Variants in RIMBP2 observed in about 807,000 individuals in gnomAD.
RIMBP2 encodes RIMS-binding protein 2.
RIMBP2 carries 48 observed loss-of-function variants against 118.6 expected under a neutral mutation model. The observed-to-expected ratio is 0.40, with a 90% CI of 0.32 to 0.51. RIMBP2 has a LOEUF of 0.51. RIMBP2 is among the 20% of genes least tolerant of loss of function. The pLI is 0.41. For synonymous variants in RIMBP2, 762 were observed against 742.9 expected, an observed-to-expected ratio of 1.03 and a Z score of -0.42; for missense variants, 1,551 against 1,768.3, an observed-to-expected ratio of 0.88 and a Z score of 2.20.
intron 4 of RIMBP2, among the ~76,000 whole-genome samples, chr12:130,500,102 C>G (rs1265679170): frequency 6.6e-6 from 1 of 152,212 alleles, no homozygotes; most frequent in Non-Finnish European, 1.5e-5. Flanking sequence ...TGGACATACT[C>G]TTCTGACTCT....
intron 21 of RIMBP2, among the ~76,000 whole-genome samples, chr12:130,404,525 C>T (rs531371989): frequency 2.4e-4 from 36 of 152,280 alleles, no homozygotes; most frequent in African/African-American, 8.2e-4. Context: ...ATATCGAATG[C>T]CTGACCTCAG....
Position 130,523,611 on chromosome 12 carries a change from C to G in RIMBP2, c.-216-5694G>C, listed in dbSNP as rs1254046458. ...GGTGGCCGCTTCTCTGGGGGAGAAA[C>G]TGACAAGAGAAAGGAAAAAGCACGT... On this transcript the variant is annotated intron_variant, in intron 2 of 22. Coordinates refer to ENST00000690449, the MANE Select transcript of RIMBP2 (RefSeq NM_001393629.1). This position sits in a 1 kb window ranked among gnomAD's most constrained non-coding sequence, Gnocchi z 4.4. Among the ~76,000 whole-genome samples, 1 of 152,222 alleles carries G rather than the reference C, an allele frequency of 6.6e-6. No individual in the cohort carries two copies.
At chr12:130,673,574 C>T (rs2064298587) in intron 1 of RIMBP2, among the ~76,000 whole-genome samples, 2 of 152,088 alleles carry the variant, frequency 1.3e-5, no homozygotes, top group Non-Finnish European at 2.9e-5. Context: ...ACTTGTGGGT[C>T]AAGGCCTGCC....
Position 130,713,203 on chromosome 12 carries a change from AAGGAAGAT to A in RIMBP2, c.-352+3011_-352+3018del, listed in dbSNP as rs1304129220. Among the ~76,000 whole-genome samples the A allele has an allele frequency of 2.6e-4, 37 of 144,852 alleles. 3 individuals carry two copies. The highest frequency in any genetic ancestry group is 4.9e-4 in the Admixed American group (7 of 14,388). On this transcript the variant is annotated intron_variant, in intron 1 of 22. Transcript: ENST00000690449. Reference sequence around the variant, plus strand: ...GAAGGAAGGAAAGAAGGAAGGAAGGAAGGAAGATAGGAAGGAAGGAAGGAAGGAAGGAA... The same window carrying A: ...GAAGGAAGGAAAGAAGGAAGGAAGGAAGGAAGGAAGGAAGGAAGGAAGGAA...
Position 130,397,752 on chromosome 12 carries a change from T to C in RIMBP2, c.3901-203A>G, listed in dbSNP as rs879098581. On this transcript the variant is annotated intron_variant, in intron 22 of 22. Transcript: ENST00000690449. ...AGGCCCCAGACATAAATGTGTGGGT[T>C]CCGTTTCTCTGTCTCGAGGGAGTGC... 1.6e-5 allele frequency: 6 copies of C among 372,432 alleles called. No homozygotes were observed. The Admixed American group carries it at 1.8e-4, about 11-fold the overall frequency. 23.1% of individuals were successfully genotyped at this position (372,432 alleles called of 1,614,324 possible). A position where few individuals can be genotyped will look rare whatever the true frequency, so the allele number is the denominator to read the frequency against.
At chr12:130,584,223 CCATCACTTCACCACCACCAT>C (rs1566308562) in intron 2 of RIMBP2, among the ~76,000 whole-genome samples, 1 of 43,456 alleles carries the variant, frequency 2.3e-5, no homozygotes, top group Non-Finnish European at 6.5e-5. Flanking sequence ...CTCACCACCA[CCATCACTTCACCACCACCAT>C]CACCATCACC....
chr12:130,713,031 G>A (rs1322461083), intron 1 of RIMBP2, among the ~76,000 whole-genome samples: 1 of 151,536 alleles, frequency 6.6e-6, no homozygotes, highest in Non-Finnish European at 1.5e-5. Flanking sequence ...CAGAGAGAGA[G>A]ACTGAGAGAG....
At chr12:130,445,329 T>A (rs2078439254) in intron 9 of RIMBP2, 60 bp from the exon 10 acceptor site, 1 of 1,245,490 alleles carries the variant, frequency 8.0e-7, no homozygotes, top group East Asian at 2.4e-5. Context: ...CGCACCCCTG[T>A]CCGTGCAGAA....
chr12:130,584,538 T>A (rs1291731406), intron 2 of RIMBP2, among the ~76,000 whole-genome samples: 1 of 136,934 alleles, frequency 7.3e-6, no homozygotes, highest in Non-Finnish European at 1.6e-5. Flanking sequence ...ATCACCACCA[T>A]CACCACCATC....
intron 2 of RIMBP2, among the ~76,000 whole-genome samples, chr12:130,590,743 G>C (rs2059204368): frequency 6.6e-6 from 1 of 152,190 alleles, no homozygotes; most frequent in Non-Finnish European, 1.5e-5. Flanking sequence ...CCTCTCATTT[G>C]CTGATAGTTT....
chr12:130,460,434 A>G (rs1194051868), intron 6 of RIMBP2, among the ~76,000 whole-genome samples: 2 of 152,172 alleles, frequency 1.3e-5, no homozygotes, highest in East Asian at 3.9e-4. Context: ...TTGCTTTGGT[A>G]TTAGAGCATT....
At position 130,648,597 on chromosome 12, in the gene RIMBP2, A is replaced by G. The variant is rs1349550612; in HGVS notation, c.-351-20141T>C. Among the ~76,000 whole-genome samples the G allele has an allele frequency of 2.1e-5, 3 of 145,706 alleles. 1 individual carries two copies. The highest frequency in any genetic ancestry group is 7.4e-5 in the African/African-American group (3 of 40,712). On this transcript the variant is annotated intron_variant, in intron 1 of 22. Coordinates refer to ENST00000690449, the MANE Select transcript of RIMBP2 (RefSeq NM_001393629.1). The stretch of plus-strand genomic sequence containing the variant: ...TTTTCTGTGCTTTAAAATTTTTTCT[A>G]CAATAAATATATGTTACTCCATTAA...
chr12:130,599,902 T>C (rs2140415982), intron 2 of RIMBP2, among the ~76,000 whole-genome samples: 1 of 152,322 alleles, frequency 6.6e-6, no homozygotes, highest in South Asian at 2.1e-4. Flanking sequence ...AGGGTAAACC[T>C]GCCCCATTCT....
chr12:130,701,709 A>G (rs537352632), intron 1 of RIMBP2, among the ~76,000 whole-genome samples: 69 of 152,168 alleles, frequency 4.5e-4, no homozygotes, highest in African/African-American at 1.6e-3. Context: ...ACAGTGTGGG[A>G]AGCTGCAAAA....
chr12:130,585,465 G>A (rs1035987288), intron 2 of RIMBP2, among the ~76,000 whole-genome samples: 1 of 151,902 alleles, frequency 6.6e-6, no homozygotes, highest in Non-Finnish European at 1.5e-5. Context: ...CCACTTTTAG[G>A]GCAGGTTGTG....
chr12:130,422,626 G>C lies in RIMBP2; in HGVS notation c.3130-65C>G. The C allele has an allele frequency of 8.6e-7, 1 of 1,157,258 alleles. No individual in the cohort carries two copies. Among genetic ancestry groups the C allele is most frequent in the Non-Finnish European group, 1.3e-6 (1 of 796,976 alleles). The allele number at this position is 1,157,258 out of a possible 1,614,324, so 71.7% of individuals were successfully genotyped here. On this transcript the variant is annotated intron_variant, in intron 16 of 22. Coordinates refer to ENST00000690449, the MANE Select transcript of RIMBP2 (RefSeq NM_001393629.1). This position sits in a 1 kb window ranked among gnomAD's most constrained non-coding sequence, Gnocchi z 5.2. The stretch of plus-strand genomic sequence containing the variant: ...CATTGGGAACTGAAGAATTCAGTTA[G>C]CCAAATCAAGCGGGTTGAAAAGCAG...
At chr12:130,402,817 T>C (rs1401562446) in intron 21 of RIMBP2, among the ~76,000 whole-genome samples, 1 of 152,232 alleles carries the variant, frequency 6.6e-6, no homozygotes, top group Non-Finnish European at 1.5e-5. Context: ...CGTACCTTAG[T>C]ACGCCACGTG....
At chr12:130,439,541 G>T (rs1025056971) in intron 11 of RIMBP2, among the ~76,000 whole-genome samples, 5 of 144,998 alleles carry the variant, frequency 3.4e-5, no homozygotes, top group Admixed American at 2.1e-4. Flanking sequence ...GGGTCTGTAG[G>T]GGTGTCGGTG....
chr12:130,456,804 G>T, intron 6 of RIMBP2, 104 bp from the exon 7 acceptor site: 1 of 804,804 alleles, frequency 1.2e-6, no homozygotes, highest in East Asian at 2.7e-5. Context: ...TGCACTGTGT[G>T]CACGTGTGTA....
Sources: gnomAD v4.1 joint callset for allele counts (sites outside exome capture counted in the v4.1 genomes callset) on GRCh38, gnomAD v4.1.1 for gene constraint, Gnocchi (gnomAD v3.1) non-coding constraint, MANE v1.5 for transcripts, NCBI Gene and HGNC (gene_info 2026-07-23, HGNC 2026-07-21) for gene names.